Variants in NDUFAF2 observed in about 807,000 individuals in gnomAD.
NDUFAF2 encodes the protein NADH dehydrogenase [ubiquinone] 1 alpha subcomplex assembly factor 2.
NDUFAF2 carries 13 observed loss-of-function variants against 22.8 expected under a neutral mutation model. The observed-to-expected ratio is 0.57, with a 90% CI of 0.37 to 0.91. The LOEUF is 0.91. NDUFAF2 is among the 40% of genes least tolerant of loss of function. NDUFAF2 has a pLI of 0.01. For synonymous variants in NDUFAF2, 53 were observed against 64.2 expected (o/e 0.83, Z 0.84); for missense variants, 162 against 195.2 (o/e 0.83, Z 1.01).
intron 1 of NDUFAF2, among the ~76,000 whole-genome samples, chr5:61,011,302 GC>G (rs1463844581): frequency 1.3e-5 from 2 of 152,072 alleles, no homozygotes; most frequent in Admixed American, 1.3e-4. Context: ...TTCCCTTGTA[GC>G]CAGGCCATGG....
chr5:61,138,501 C>T (rs1015458607), intron 3 of NDUFAF2, among the ~76,000 whole-genome samples: 4 of 152,166 alleles, frequency 2.6e-5, no homozygotes, highest in Non-Finnish European at 4.4e-5. Context: ...CCTCCTCCCC[C>T]CCAGATCGTG....
intron 3 of NDUFAF2, chr5:61,116,463 G>GA (rs1359024417): frequency 6.6e-6 from 1 of 152,058 alleles, no homozygotes; most frequent in African/African-American, 2.4e-5. Context: ...TAATAGAAAT[G>GA]AAATGTTTAA....
At chr5:60,981,669 C>G (rs991905066) in intron 1 of NDUFAF2, among the ~76,000 whole-genome samples, 2 of 151,942 alleles carry the variant, frequency 1.3e-5, no homozygotes, top group African/African-American at 4.8e-5. Context: ...AGAAACAACA[C>G]AAAGTTAAAA....
chr5:60,989,140 G>A (rs1177390712), intron 1 of NDUFAF2, among the ~76,000 whole-genome samples: 1 of 152,120 alleles, frequency 6.6e-6, no homozygotes, highest in Non-Finnish European at 1.5e-5. Flanking sequence ...CATACATGCA[G>A]CCAACAAGCA....
intron 1 of NDUFAF2, among the ~76,000 whole-genome samples, chr5:61,020,099 C>T (rs1385089688): frequency 6.6e-6 from 1 of 151,982 alleles, no homozygotes; most frequent in East Asian, 1.9e-4. Context: ...ATTTGTATAA[C>T]ATTATTTATT....
intron 1 of NDUFAF2, among the ~76,000 whole-genome samples, chr5:61,024,285 G>A (rs773897982): frequency 3.3e-5 from 5 of 151,722 alleles, no homozygotes; most frequent in Admixed American, 6.6e-5. Context: ...CCTCCAGTGC[G>A]TTTTTCAAAC....
intron 1 of NDUFAF2, among the ~76,000 whole-genome samples, chr5:60,986,157 G>A (rs1489755993): frequency 6.6e-6 from 1 of 152,116 alleles, no homozygotes; most frequent in Non-Finnish European, 1.5e-5. Flanking sequence ...ATACCCAAAA[G>A]GAAGGAAATC....
At chr5:60,955,975 C>T (rs558544742) in intron 1 of NDUFAF2, among the ~76,000 whole-genome samples, 3 of 150,354 alleles carry the variant, frequency 2.0e-5, no homozygotes, top group South Asian at 2.1e-4. Context: ...AGGGCACTGG[C>T]GCGATCTCAG....
chr5:61,071,051 A>G (rs1752292393), intron 1 of NDUFAF2, among the ~76,000 whole-genome samples: 1 of 152,220 alleles, frequency 6.6e-6, no homozygotes, highest in Non-Finnish European at 1.5e-5. Flanking sequence ...TATAAATACT[A>G]AATTTATAGT....
chr5:61,056,295 A>G (rs1752086393), intron 1 of NDUFAF2, among the ~76,000 whole-genome samples: 1 of 152,182 alleles, frequency 6.6e-6, no homozygotes, highest in Non-Finnish European at 1.5e-5. Context: ...CATGTGGCAT[A>G]TCTTACTATT....
intron 1 of NDUFAF2, among the ~76,000 whole-genome samples, chr5:61,029,292 TTAAAAA>T (rs762804230): frequency 6.6e-6 from 1 of 152,126 alleles, no homozygotes; most frequent in Admixed American, 6.6e-5. Flanking sequence ...AAAAATATCT[TTAAAAA>T]TAAAAATAAA....
At chr5:60,994,277 T>C (rs919583323) in intron 1 of NDUFAF2, among the ~76,000 whole-genome samples, 3 of 152,118 alleles carry the variant, frequency 2.0e-5, no homozygotes, top group Non-Finnish European at 4.4e-5. Flanking sequence ...CTCCCGAGAG[T>C]GCACAGATGC....
chr5:61,151,613 T>TA (rs1001639662), intron 3 of NDUFAF2, among the ~76,000 whole-genome samples: 6 of 152,004 alleles, frequency 3.9e-5, no homozygotes, highest in African/African-American at 1.5e-4. Flanking sequence ...ACCCCGTTTC[T>TA]ACTAAAAATA....
chr5:60,951,920 GCTAT>G (rs1352128951), intron 1 of NDUFAF2, among the ~76,000 whole-genome samples: 1 of 151,288 alleles, frequency 6.6e-6, no homozygotes, highest in Non-Finnish European at 1.5e-5. Flanking sequence ...GACTACTCAG[GCTAT>G]CTATTTTGTC....
chr5:61,023,630 G>T (rs909796933), intron 1 of NDUFAF2, among the ~76,000 whole-genome samples: 1 of 152,050 alleles, frequency 6.6e-6, no homozygotes, highest in Non-Finnish European at 1.5e-5. Context: ...TTTACACCAC[G>T]GAATTATGTA....
chr5:60,983,833 A>G (rs1258899710), intron 1 of NDUFAF2, among the ~76,000 whole-genome samples: 30 of 151,492 alleles, frequency 2.0e-4, no homozygotes, highest in African/African-American at 6.8e-4. Context: ...GTCAGGTAGC[A>G]TGATGCCTCC....
chr5:61,116,849 T>A (rs1240298039), intron 3 of NDUFAF2: 6 of 152,132 alleles, frequency 3.9e-5, no homozygotes, highest in African/African-American at 1.4e-4. Context: ...TGGAGAGATT[T>A]TTTTCCCCAA....
At chr5:60,993,014 C>T (rs773016973) in intron 1 of NDUFAF2, among the ~76,000 whole-genome samples, 8 of 152,322 alleles carry the variant, frequency 5.3e-5, no homozygotes, top group Non-Finnish European at 1.0e-4. Context: ...ACCTGCAGGC[C>T]GTGCTTGGCT....
At chr5:61,130,960 G>A (rs1460528567) in intron 3 of NDUFAF2, among the ~76,000 whole-genome samples, 3 of 152,124 alleles carry the variant, frequency 2.0e-5, no homozygotes, top group South Asian at 2.1e-4. Flanking sequence ...AGGAATACAC[G>A]AGAGAGTAGC....
Sources: gnomAD v4.1 joint callset for allele counts (sites outside exome capture counted in the v4.1 genomes callset) on GRCh38, gnomAD v4.1.1 for gene constraint, MANE v1.5 for transcripts, NCBI Gene and HGNC (gene_info 2026-07-23, HGNC 2026-07-21) for gene names.